The following SORBS2 variants were observed in gnomAD, a reference collection of about 807,000 sequenced individuals.
SORBS2 encodes the protein sorbin and SH3 domain containing 2.
In SORBS2, 46 loss-of-function variants were observed where a neutral mutation model predicts 97.7. The ratio of observed to expected loss-of-function variants is 0.47; its 90% CI spans 0.37 to 0.60. SORBS2 has a LOEUF of 0.60. SORBS2 is among the 20% of genes least tolerant of loss of function. The pLI, the probability that SORBS2 is intolerant of heterozygous loss-of-function variation, is 0.00. For synonymous variants in SORBS2, 476 were observed against 473.4 expected (o/e 1.01, Z -0.07); for missense variants, 1,316 against 1,282.3 (o/e 1.03, Z -0.40).
intron 1 of SORBS2, among the ~76,000 whole-genome samples, chr4:185,945,754 C>T (rs541220951): frequency 1.2e-3 from 180 of 152,286 alleles, no homozygotes; most frequent in African/African-American, 4.2e-3. Flanking sequence ...ATATCTGATC[C>T]ATGCTGGCTA....
At chr4:185,592,101 A>C (rs1401165411) in intron 13 of SORBS2, 1 of 152,232 alleles carries the variant, frequency 6.6e-6, no homozygotes, top group Non-Finnish European at 1.5e-5. Flanking sequence ...TGGGGTAAGG[A>C]TGCCTCAAAA....
intron 1 of SORBS2, among the ~76,000 whole-genome samples, chr4:185,839,538 C>A (rs73019803): frequency 0.054 from 8,184 of 152,202 alleles, 281 homozygotes; most frequent in East Asian, 0.14. Flanking sequence ...CAAGCCGGAG[C>A]ACACTGAGCG....
chr4:185,730,310 CTTTTTTTT>C (rs67749971), intron 2 of SORBS2, among the ~76,000 whole-genome samples: 47 of 125,276 alleles, frequency 3.8e-4, no homozygotes, highest in African/African-American at 1.2e-3. Context: ...AATATACTTT[CTTTTTTTT>C]TTTTTTTTTT....
chr4:185,767,442 G>A (rs1012195968), intron 2 of SORBS2, among the ~76,000 whole-genome samples: 1 of 138,538 alleles, frequency 7.2e-6, no homozygotes, highest in African/African-American at 2.6e-5. Flanking sequence ...GGAGCTTGCA[G>A]TGAGCCGAGA....
At chr4:185,733,727 T>C (rs1341937247) in intron 2 of SORBS2, among the ~76,000 whole-genome samples, 1 of 152,170 alleles carries the variant, frequency 6.6e-6, no homozygotes, top group Non-Finnish European at 1.5e-5. Context: ...TACAGCTTGC[T>C]ATTCCACTCT....
At chr4:185,733,425 C>T (rs1370178777) in intron 2 of SORBS2, among the ~76,000 whole-genome samples, 2 of 152,176 alleles carry the variant, frequency 1.3e-5, no homozygotes, top group South Asian at 2.1e-4. Flanking sequence ...CCCGAAACAG[C>T]GAACAGTGAC....
rs533224367 is a variant in SORBS2, at chr4:185,886,774, A to C, written c.-338+69422T>G. Among the ~76,000 whole-genome samples the C allele has an allele frequency of 2.0e-5, 3 of 152,298 alleles. No individual in the cohort carries two copies. The South Asian group carries it at 6.2e-4, about 32-fold the overall frequency. On this transcript the variant is annotated intron_variant, in intron 1 of 20. Transcript: ENST00000284776. ...GGACTTGGGAGACGTAAAGGATGAC[A>C]GAAGAGGTCTGATCATTTAGCCTGG... is the stretch of plus-strand genomic sequence containing the variant.
chr4:185,649,109 T>A (rs1022500449), intron 3 of SORBS2, among the ~76,000 whole-genome samples: 1 of 152,216 alleles, frequency 6.6e-6, no homozygotes, highest in African/African-American at 2.4e-5. Context: ...ATGTCTCTTA[T>A]TAATAGACCT....
chr4:185,795,298 T>C (rs940662311), intron 1 of SORBS2, among the ~76,000 whole-genome samples: 1 of 152,070 alleles, frequency 6.6e-6, no homozygotes, highest in African/African-American at 2.4e-5. Context: ...CCCTCAAAAA[T>C]AGAAGAAAGA....
At chr4:185,646,485 A>G (rs2097211040) in intron 4 of SORBS2, 183 bp downstream of exon 13, 1 of 549,272 alleles carries the variant, frequency 1.8e-6, no homozygotes, top group Admixed American at 3.2e-5. Flanking sequence ...AGTAAAGACA[A>G]TATATTAGAA....
chr4:185,688,497 GATAGATAA>G (rs761046240), intron 2 of SORBS2, among the ~76,000 whole-genome samples: 3,815 of 137,462 alleles, frequency 0.028, 92 homozygotes, highest in African/African-American at 0.076. Context: ...TCTATTGATA[GATAGATAA>G]ATAGATAGAT....
Position 185,607,075 on chromosome 4 carries a change from GGGA to G in SORBS2, c.2796+4702_2796+4704del. 9.6e-7 allele frequency: 1 copy of G among 1,040,532 alleles called. No individual in the cohort carries two copies. Among genetic ancestry groups the G allele is most frequent in the Non-Finnish European group, 1.2e-6 (1 of 862,326 alleles). The allele number at this position is 1,040,532 out of a possible 1,614,324, so 64.5% of individuals were successfully genotyped here. A position where few individuals can be genotyped will look rare whatever the true frequency, so the allele number is the denominator to read the frequency against. ...GGCAGGTGCAGTCGCTGGGGACAAT[GGGA>G]GGAGGACAGCAGGTTCCTCCTTAAT... On this transcript the variant is annotated intron_variant, in intron 12 of 14. Transcript: ENST00000418609. This position sits in a 1 kb window ranked among gnomAD's most constrained non-coding sequence, Gnocchi z 5.2.
chr4:185,813,461 T>C (rs1362739920), intron 1 of SORBS2, among the ~76,000 whole-genome samples: 1 of 151,790 alleles, frequency 6.6e-6, no homozygotes, highest in Non-Finnish European at 1.5e-5. Flanking sequence ...CTTGGGAGAG[T>C]CCTCACCGCT....
intron 1 of SORBS2, among the ~76,000 whole-genome samples, chr4:185,845,679 A>G (rs1290320197): frequency 3.3e-5 from 5 of 152,240 alleles, no homozygotes; most frequent in Non-Finnish European, 7.3e-5. Context: ...CAGAATATAT[A>G]AAGAATGTAC....
At chr4:185,913,201 C>T (rs1230705675) in intron 1 of SORBS2, among the ~76,000 whole-genome samples, 1 of 152,134 alleles carries the variant, frequency 6.6e-6, no homozygotes, top group Non-Finnish European at 1.5e-5. Context: ...TCCTGGGACC[C>T]ACTGCATGGT....
In SORBS2 at chr4:185,662,608, C is replaced by T. The variant is rs182085463; in HGVS notation, c.-45-366G>A. 2.0e-4 allele frequency among the ~76,000 whole-genome samples: 30 copies of T among 152,308 alleles called. 1 individual carries two copies. Among genetic ancestry groups the T allele is most frequent in the Non-Finnish European group, 1.0e-4 (7 of 68,020 alleles). On this transcript the variant is annotated intron_variant, in intron 4 of 20. Transcript: ENST00000284776. Reference sequence around the variant, plus strand: ...AGTCGTAACATCAGCAATCAGAACACGGTGGTGCTGTTCCGCATGCAGCAT... The same window carrying T: ...AGTCGTAACATCAGCAATCAGAACATGGTGGTGCTGTTCCGCATGCAGCAT...
chr4:185,737,800 A>G (rs1376674019), intron 2 of SORBS2, among the ~76,000 whole-genome samples: 1 of 152,222 alleles, frequency 6.6e-6, no homozygotes, highest in Non-Finnish European at 1.5e-5. Flanking sequence ...TTGAGTTCTG[A>G]GGTAAAATGG....
intron 1 of SORBS2, among the ~76,000 whole-genome samples, chr4:185,951,573 C>T (rs900275974): frequency 6.6e-6 from 1 of 152,210 alleles, no homozygotes; most frequent in South Asian, 2.1e-4. Context: ...ATGACAGTAA[C>T]CTGTTATTTT....
chr4:185,806,450 T>G (rs1473587803), intron 1 of SORBS2, among the ~76,000 whole-genome samples: 2,658 of 19,342 alleles, frequency 0.14, 689 homozygotes, highest in Admixed American at 0.18. Context: ...TTTTTTTTTT[T>G]TTTTTTTTTT....
Sources: gnomAD v4.1 joint callset for allele counts (sites outside exome capture counted in the v4.1 genomes callset) on GRCh38, gnomAD v4.1.1 for gene constraint, Gnocchi (gnomAD v3.1) non-coding constraint, MANE v1.5 for transcripts, NCBI Gene and HGNC (gene_info 2026-07-23, HGNC 2026-07-21) for gene names.